Variants in TVP23C observed in about 807,000 individuals in gnomAD.
TVP23C encodes the protein Golgi apparatus membrane protein TVP23 homolog C.
A neutral mutation model predicts 28.7 loss-of-function variants in TVP23C; 19 were observed. The ratio of observed to expected loss-of-function variants is 0.66; its 90% confidence interval spans 0.46 to 0.97. The LOEUF (loss-of-function observed/expected upper bound fraction) is 0.97, where lower values mean the gene tolerates loss of function less well. Ranked by LOEUF, TVP23C falls within the 50% of genes least tolerant of loss-of-function variation. The pLI is 0.00. For missense variants in TVP23C, 186 were observed against 241.3 expected (o/e 0.77, Z 1.52); for synonymous variants, 68 against 81.7 (o/e 0.83, Z 0.90).
chr17:15,532,080 G>A (rs1982971061), downstream of TVP23C, among the ~76,000 whole-genome samples: 1 of 152,110 alleles, frequency 6.6e-6, no homozygotes, highest in African/African-American at 2.4e-5. Flanking sequence ...AGTGGTTGAA[G>A]CATAAGTCTC....
Position 15,557,491 on chromosome 17 carries a change from G to A in TVP23C, c.13-2127C>T, listed in dbSNP as rs1487063721. On this transcript the variant is annotated intron_variant, in intron 1 of 5. Transcript: ENST00000518321. The stretch of plus-strand genomic sequence containing the variant: ...TTTTTGTAATTTTAGAAGAGACAGA[G>A]TCTCACCACGTTGGCCAGGCTGGTT... 4.0e-5 allele frequency among the ~76,000 whole-genome samples: 6 copies of A among 148,358 alleles called. 2 individuals carry two copies. Among genetic ancestry groups the A allele is most frequent in the African/African-American group, 7.3e-5 (3 of 41,062 alleles).
At position 15,548,407 on chromosome 17, in the gene TVP23C, C is replaced by T. The variant is rs868400517; in HGVS notation, c.241-1259G>A. Among the ~76,000 whole-genome samples the T allele has an allele frequency of 2.0e-5, 3 of 152,206 alleles. No homozygotes were observed. The South Asian group carries it at 6.2e-4, about 32-fold the overall frequency. On this transcript the variant is annotated intron_variant, in intron 3 of 5. Coordinates refer to ENST00000518321, the MANE Select transcript of TVP23C (RefSeq NM_001135036.2). ...TCTCGAACTCCCAACCTCAGTGATT[C>T]ACCCGCCTTGGCCTCCCAAAGTGCT...
intron 5 of TVP23C, among the ~76,000 whole-genome samples, chr17:15,520,382 CT>C (rs200129163): frequency 0.019 from 2,894 of 148,448 alleles, 49 homozygotes; most frequent in South Asian, 0.035. Context: ...TCTGGGTTCC[CT>C]TTTTTGGGTC....
Position 15,559,091 on chromosome 17 carries a change from G to C in TVP23C, c.13-3727C>G, listed in dbSNP as rs186581206. Reference sequence around the variant, plus strand: ...TTCTCCTGCCTTAGCCTCCCAAAGTGCTACGATTAGAGGCATGAGCCACCA... The same window carrying C: ...TTCTCCTGCCTTAGCCTCCCAAAGTCCTACGATTAGAGGCATGAGCCACCA... On this transcript the variant is annotated intron_variant, in intron 1 of 5. Transcript: ENST00000518321. Among the ~76,000 whole-genome samples, 567 of 147,868 alleles carry C rather than the reference G, an allele frequency of 3.8e-3. 42 individuals carry two copies. Among genetic ancestry groups the C allele is most frequent in the Admixed American group, 0.017 (247 of 14,554 alleles).
chr17:15,502,793 CCTCTCTCCTCTCTCTCCTCTCTCTCTCT>C, exon 6 of TVP23C: 1 of 1,473,052 alleles, frequency 6.8e-7, no homozygotes. Flanking sequence ...CTCCCTCTCT[CCTCTCTCCTCTCTCTCCTCTCTCTCTCT>C]CTCTCTCTCT....
Position 15,555,875 on chromosome 17 carries a change from G to C in TVP23C, c.13-511C>G, listed in dbSNP as rs565682315. On this transcript the variant is annotated intron_variant, in intron 1 of 5. Coordinates refer to ENST00000518321, the MANE Select transcript of TVP23C (RefSeq NM_001135036.2). ...GGGATTTGTTTCATCATTTTCCCCT[G>C]TATTTACACTTTCTTCTATCTTCAA... is the stretch of plus-strand genomic sequence containing the variant. Among the ~76,000 whole-genome samples the C allele has an allele frequency of 6.0e-3, 917 of 152,120 alleles. 10 individuals are homozygous for C. Among genetic ancestry groups the C allele is most frequent in the African/African-American group, 0.02 (844 of 41,484 alleles).
In TVP23C at chr17:15,511,609, AT is replaced by A. The variant is rs543188045; in HGVS notation, c.463-8378del. On this transcript the variant is annotated intron_variant, in intron 5 of 5. Transcript: ENST00000225576. ...AAGAGATGATTTCTTAATTGGTTCC[AT>A]TTTCCCAGTTTTTTTTGTTCTAATC... is the stretch of plus-strand genomic sequence containing the variant. 2.1e-3 allele frequency among the ~76,000 whole-genome samples: 325 copies of A among 152,192 alleles called. 2 individuals are homozygous for A. The highest frequency in any genetic ancestry group is 7.3e-3 in the African/African-American group (303 of 41,488).
chr17:15,509,032 T>C (rs560309049), intron 5 of TVP23C, among the ~76,000 whole-genome samples: 1 of 152,378 alleles, frequency 6.6e-6, no homozygotes, highest in African/African-American at 2.4e-5. Flanking sequence ...CAGTAATAGC[T>C]GTTTACATTA....
intron 5 of TVP23C, among the ~76,000 whole-genome samples, chr17:15,523,588 C>A (rs866777234): frequency 6.6e-6 from 1 of 151,826 alleles, no homozygotes; most frequent in Middle Eastern, 3.4e-3. Flanking sequence ...AGATTACAGG[C>A]ATGAGCACTG....
In TVP23C at chr17:15,555,487, T is replaced by A. The variant is rs1984090725; in HGVS notation, c.13-123A>T. 13 of 1,445,986 alleles carry A rather than the reference T, an allele frequency of 9.0e-6. No homozygotes were observed. The African/African-American group carries it at 1.1e-4, about 13-fold the overall frequency. The allele number at this position is 1,445,986 out of a possible 1,614,324, so 89.6% of individuals were successfully genotyped here. On this transcript the variant is annotated intron_variant, in intron 1 of 5. Coordinates refer to ENST00000518321, the MANE Select transcript of TVP23C (RefSeq NM_001135036.2). ...AATAATGTGGTTACAGCATCAGGAA[T>A]TCAAAACCTAGAAAAGGACACATGC...
chr17:15,553,719 A>T lies in TVP23C; in HGVS notation c.206T>A (p.Ile69Asn), dbSNP rs768377522. The T allele has an allele frequency of 1.9e-6, 3 of 1,613,106 alleles. No homozygotes were observed. The highest frequency in any genetic ancestry group is 1.7e-6 in the Non-Finnish European group (2 of 1,179,772). ...CCAAAAGTCACACGACAACAACAAG[A>T]TAATTGTAACCATACAGGTAATAAA... ...SSFITCMVTI[I>N]LLLSCDFWAV... The change falls in exon 3 of 6, where the codon ATC becomes AAC. Residue 69 changes from isoleucine (I) to asparagine (N), a missense_variant. Physicochemically the swap from Ile to Asn is moderately radical, Grantham distance 149. Around this residue, in one of 3 missense-constraint regions of TVP23C, gnomAD observed 92 missense variants for 94.3 expected, o/e 0.98. Coordinates refer to ENST00000518321, the MANE Select transcript of TVP23C (RefSeq NM_001135036.2).
intron 5 of TVP23C, among the ~76,000 whole-genome samples, chr17:15,505,885 G>A (rs574692980): frequency 1.4e-3 from 217 of 152,336 alleles, no homozygotes; most frequent in African/African-American, 5.0e-3. Flanking sequence ...GCCCACCGGC[G>A]CTGTGCTCGA....
rs148843144 is a variant in TVP23C at position 15,517,343 on chromosome 17, C to T, written c.463-14111G>A. Among the ~76,000 whole-genome samples the T allele has an allele frequency of 1.5e-3, 233 of 152,274 alleles. 2 individuals carry two copies. Among genetic ancestry groups the T allele is most frequent in the African/African-American group, 5.1e-3 (211 of 41,560 alleles). ...TCAGGGGGCAGGTGGTCAATAAATA[C>T]GCATCAATAGTTAGGCAGAGAAATG... On this transcript the variant is annotated intron_variant, in intron 5 of 5. Transcript: ENST00000225576.
chr17:15,546,491 C>T (rs938462782), intron 4 of TVP23C, among the ~76,000 whole-genome samples: 4 of 151,900 alleles, frequency 2.6e-5, no homozygotes, highest in East Asian at 1.9e-4. Flanking sequence ...GGTGTACTGT[C>T]GCCAAGAATT....
At chr17:15,529,638 TCTA>T (rs770520779) in intron 5 of TVP23C, among the ~76,000 whole-genome samples, 22 of 152,212 alleles carry the variant, frequency 1.4e-4, no homozygotes, top group Non-Finnish European at 3.1e-4. Flanking sequence ...TGCCTTAAAA[TCTA>T]CTGTTTGACA....
At chr17:15,506,930 T>C (rs1981777186) in intron 5 of TVP23C, 1 of 1,148,818 alleles carries the variant, frequency 8.7e-7, no homozygotes, top group Admixed American at 1.8e-5. Context: ...CGCATCTCCT[T>C]TGAGCTGTTT....
chr17:15,502,927 A>G, exon 6 of TVP23C: 4 of 1,611,214 alleles, frequency 2.5e-6, no homozygotes, highest in Non-Finnish European at 2.5e-6. Context: ...TGCTATTGGG[A>G]CTCTCCCCAC....
chr17:15,533,933 T>C (rs1415924987), downstream of TVP23C, among the ~76,000 whole-genome samples: 5 of 152,202 alleles, frequency 3.3e-5, no homozygotes. Context: ...GTTTGGTCGC[T>C]CTATGATTTA....
rs1256970701 is a variant in TVP23C at position 15,537,962 on chromosome 17, T to C, written c.*2450A>G. The stretch of plus-strand genomic sequence containing the variant: ...CTAGCCCCAACTGCTGGAAAGGAAA[T>C]AAAAACTTAATATGAAAACTACTTT... On this transcript the variant is annotated 3_prime_UTR_variant, in exon 6 of 6. Transcript: ENST00000518321. 3 of 1,454,012 alleles carry C rather than the reference T, an allele frequency of 2.1e-6. No individual in the cohort carries two copies. The highest frequency in any genetic ancestry group is 2.7e-6 in the Non-Finnish European group (3 of 1,105,112). 90.1% of individuals were successfully genotyped at this position (1,454,012 alleles called of 1,614,324 possible).
Sources: allele counts gnomAD v4.1 joint callset (sites outside exome capture counted in the v4.1 genomes callset), GRCh38; gene constraint gnomAD v4.1.1; regional missense constraint gnomAD v4.1.1; transcripts MANE v1.5; gene names NCBI Gene and HGNC (gene_info 2026-07-23, HGNC 2026-07-21).